The following DHRS3 variants were observed in gnomAD, a reference collection of about 807,000 sequenced individuals.
DHRS3 encodes dehydrogenase/reductase 3, also known as short-chain dehydrogenase/reductase 3.
Under a neutral mutation model 27.2 loss-of-function variants are expected in DHRS3, and 14 were observed. The ratio of observed to expected loss-of-function variants is 0.52; its 90% CI spans 0.34 to 0.81. The LOEUF (loss-of-function observed/expected upper bound fraction) is 0.81, where lower values mean the gene tolerates loss of function less well. Ranked by LOEUF, DHRS3 falls within the 30% of genes least tolerant of loss-of-function variation. The pLI, the probability that DHRS3 is intolerant of heterozygous loss-of-function variation, is 0.01. For missense variants in DHRS3, 322 were observed against 406.2 expected (o/e 0.79, Z 1.78); for synonymous variants, 165 against 175.9 (o/e 0.94, Z 0.49).
At chr1:12,570,844 C>T (rs1043208511) in intron 5 of DHRS3, among the ~76,000 whole-genome samples, 1 of 152,192 alleles carries the variant, frequency 6.6e-6, no homozygotes, top group African/African-American at 2.4e-5. Flanking sequence ...CTGGATGCCC[C>T]TGGGTGCCCC....
At chr1:12,585,810 G>A (rs1298007938) in intron 1 of DHRS3, among the ~76,000 whole-genome samples, 2 of 152,226 alleles carry the variant, frequency 1.3e-5, no homozygotes, top group African/African-American at 2.4e-5. Context: ...AGGACTGGGC[G>A]GGCGGAGGCG....
In DHRS3 at chr1:12,608,123, C is replaced by T. The variant is rs571780183; in HGVS notation, c.195+9031G>A. ...AACTCCTGACGTCAAGTGATCTGCC[C>T]GCCTCGGCCTCCCACAGTGCTGGGA... On this transcript the variant is annotated intron_variant, in intron 1 of 5. Coordinates refer to ENST00000616661, the MANE Select transcript of DHRS3 (RefSeq NM_004753.7). This position sits in a 1 kb window ranked among gnomAD's most constrained non-coding sequence, Gnocchi z 4.1. 2.3e-4 allele frequency among the ~76,000 whole-genome samples: 35 copies of T among 152,136 alleles called. No individual in the cohort carries two copies. The highest frequency in any genetic ancestry group is 3.9e-4 in the African/African-American group (16 of 41,430).
At chr1:12,610,074 TTTTA>T (rs201442497) in intron 1 of DHRS3, among the ~76,000 whole-genome samples, 18 of 152,078 alleles carry the variant, frequency 1.2e-4, no homozygotes, top group Admixed American at 2.6e-4. Context: ...CAATGTTCTG[TTTTA>T]TTTATTTATT....
intron 1 of DHRS3, among the ~76,000 whole-genome samples, chr1:12,590,880 C>T (rs202089515): frequency 6.7e-4 from 102 of 152,300 alleles, no homozygotes; most frequent in East Asian, 2.5e-3. Flanking sequence ...GATCAGGTAC[C>T]GACTTCCAGC....
Position 12,617,202 on chromosome 1 carries a change from G to T in DHRS3, c.147C>A (p.Gly49=), listed in dbSNP as rs750275154. ...ENVLITGGGR[G]IGRQLAREFA... ...ACTCGCGGGCGAGCTGACGCCCGAT[G>T]CCTCTCCCGCCGCCGGTGATGAGGA... Residue 49 remains glycine (G), a synonymous_variant, in exon 1 of 6, where the codon GGC becomes GGA. Transcript: ENST00000616661. 6.2e-7 allele frequency: 1 copy of T among 1,613,252 alleles called. No individual in the cohort carries two copies. Among genetic ancestry groups the T allele is most frequent in the South Asian group, 1.1e-5 (1 of 91,064 alleles).
intron 1 of DHRS3, among the ~76,000 whole-genome samples, chr1:12,582,470 A>G (rs562379650): frequency 6.6e-6 from 1 of 152,374 alleles, no homozygotes; most frequent in Admixed American, 6.5e-5. Flanking sequence ...GTTCCTCTCA[A>G]TGACGGTACA....
At chr1:12,601,752 G>C (rs959767445) in intron 1 of DHRS3, among the ~76,000 whole-genome samples, 3 of 152,148 alleles carry the variant, frequency 2.0e-5, no homozygotes, top group Non-Finnish European at 4.4e-5. Flanking sequence ...TTCCAATCCT[G>C]CTGGGTCATT....
At chr1:12,568,885 C>G (rs553103544) in intron 5 of DHRS3, among the ~76,000 whole-genome samples, 2 of 152,212 alleles carry the variant, frequency 1.3e-5, no homozygotes, top group African/African-American at 4.8e-5. Flanking sequence ...TGAGATTGTA[C>G]CGCTGCATTC....
At chr1:12,601,585 C>A (rs914147018) in intron 1 of DHRS3, among the ~76,000 whole-genome samples, 2 of 152,152 alleles carry the variant, frequency 1.3e-5, no homozygotes, top group African/African-American at 2.4e-5. Flanking sequence ...ATCTGAGGAA[C>A]ACCTCCAGAG....
chr1:12,580,486 C>T lies in DHRS3; in HGVS notation c.339+37G>A, dbSNP rs184105472. On this transcript the variant is annotated intron_variant, in intron 2 of 5. Coordinates refer to ENST00000616661, the MANE Select transcript of DHRS3 (RefSeq NM_004753.7). ...TCTTTGCCCGGAATTAGCCTGTGGTCAGCTGTGCTAGGAATAGACCCTCCC... is the reference window on the plus strand; with the variant it reads ...TCTTTGCCCGGAATTAGCCTGTGGTTAGCTGTGCTAGGAATAGACCCTCCC... 3 of 1,613,952 alleles carry T rather than the reference C, an allele frequency of 1.9e-6. No homozygotes were observed. In the South Asian group the frequency reaches 3.3e-5, roughly 18 times the overall value.
intron 1 of DHRS3, among the ~76,000 whole-genome samples, chr1:12,599,892 AC>A (rs750640731): frequency 5.9e-5 from 9 of 152,206 alleles, no homozygotes; most frequent in Admixed American, 3.3e-4. Flanking sequence ...TAAACTGGGA[AC>A]AGTGACTGTG....
chr1:12,616,697 C>T (rs1646946854), intron 1 of DHRS3: 1 of 1,004,382 alleles, frequency 1.0e-6, no homozygotes, highest in Admixed American at 5.6e-5. Context: ...GCTGCAGCCG[C>T]CCAGGTTGGG....
chr1:12,615,085 T>C (rs1279280647), intron 1 of DHRS3, among the ~76,000 whole-genome samples: 2 of 152,054 alleles, frequency 1.3e-5, no homozygotes, highest in Admixed American at 6.5e-5. Flanking sequence ...GTCCTCTCAT[T>C]GGTGTTAGGC....
At chr1:12,589,636 C>A (rs1240736063) in intron 1 of DHRS3, among the ~76,000 whole-genome samples, 1 of 152,066 alleles carries the variant, frequency 6.6e-6, no homozygotes, top group East Asian at 1.9e-4. Flanking sequence ...CCGTGCCCAG[C>A]CTAAAACACC....
In DHRS3 at chr1:12,580,534, C is replaced by T. The variant is rs200750969; in HGVS notation, c.328G>A (p.Val110Ile). 1.8e-4 allele frequency: 290 copies of T among 1,614,192 alleles called. No individual in the cohort carries two copies. The highest frequency in any genetic ancestry group is 1.5e-3 in the Middle Eastern group (9 of 6,062). Residue 110 changes from valine (V) to isoleucine (I), a missense_variant, in exon 2 of 6, where the codon GTC becomes ATC. Physicochemically the swap from Val to Ile is conservative, Grantham distance 29 (BLOSUM62 3). Coordinates refer to ENST00000616661, the MANE Select transcript of DHRS3 (RefSeq NM_004753.7). The part of the protein sequence containing the change: ...REEVYQTAKA[V>I]REKVGDITIL... ...CCCAGGCTACAGACCTTCTCCCGGA[C>T]GGCCTTGGCCGTCTGGTACACCTCC... is the stretch of plus-strand genomic sequence containing the variant.
rs1646639994 is a variant in DHRS3, at chr1:12,581,082, C to T, written c.196-416G>A. On this transcript the variant is annotated intron_variant, in intron 1 of 5. Coordinates refer to ENST00000616661, the MANE Select transcript of DHRS3 (RefSeq NM_004753.7). ...GGTTCAAGCAATCCTCCCACCTCGG[C>T]CTCTCAAGTGCTGGGATTACAGGTA... Among the ~76,000 whole-genome samples the T allele has an allele frequency of 3.9e-5, 6 of 152,246 alleles. No homozygotes were observed. The South Asian group carries it at 1.0e-3, about 26-fold the overall frequency.
In DHRS3 at chr1:12,617,363, A is replaced by C; in HGVS notation, c.-15T>G. ...TTCCACACCATCCTCCGCGCCGCGG[A>C]GCCGGGCAGGGGGCGAAACTCCCCG... On this transcript the variant is annotated 5_prime_UTR_variant, in exon 1 of 6. Coordinates refer to ENST00000616661, the MANE Select transcript of DHRS3 (RefSeq NM_004753.7). 1 of 1,594,262 alleles carries C rather than the reference A, an allele frequency of 6.3e-7. No homozygotes were observed.
chr1:12,615,225 TA>T (rs1413616368), intron 1 of DHRS3, among the ~76,000 whole-genome samples: 1 of 151,928 alleles, frequency 6.6e-6, no homozygotes, highest in Non-Finnish European at 1.5e-5. Context: ...ATTGGTCAGA[TA>T]ATGGCGAGTT....
In DHRS3 at chr1:12,591,716, G is replaced by A. The variant is rs1006714544; in HGVS notation, c.196-11050C>T. Among the ~76,000 whole-genome samples, 2 of 152,206 alleles carry A rather than the reference G, an allele frequency of 1.3e-5. No homozygotes were observed. The highest frequency in any genetic ancestry group is 2.4e-5 in the African/African-American group (1 of 41,444). ...ACGAAGGGGCTATGTAATTCCAAGC[G>A]GTAAGCGGTAGAGCTGGGACCTCAA... On this transcript the variant is annotated intron_variant, in intron 1 of 5. Coordinates refer to ENST00000616661, the MANE Select transcript of DHRS3 (RefSeq NM_004753.7). This position sits in a 1 kb window ranked among gnomAD's most constrained non-coding sequence, Gnocchi z 4.1.
Sources: allele counts gnomAD v4.1 joint callset (sites outside exome capture counted in the v4.1 genomes callset), GRCh38; gene constraint gnomAD v4.1.1; non-coding constraint Gnocchi (gnomAD v3.1); transcripts MANE v1.5; gene names NCBI Gene and HGNC (gene_info 2026-07-23, HGNC 2026-07-21).